IL5RA: variants seen among roughly 807,000 people sequenced by gnomAD.
The protein encoded by IL5RA is interleukin-5 receptor subunit alpha.
Under a neutral mutation model 50.0 loss-of-function variants are expected in IL5RA, and 49 were observed. That is an observed-to-expected ratio of 0.98 (90% CI 0.78 to 1.24). IL5RA has a LOEUF of 1.24. Among genes scored for constraint, IL5RA ranks in the 50% most tolerant of loss-of-function variants. IL5RA has a pLI of 0.00. For synonymous variants in IL5RA, 202 were observed against 174.0 expected (o/e 1.16, Z -1.26); for missense variants, 600 against 500.4 (o/e 1.20, Z -1.90).
rs1189400407 is a variant in IL5RA at position 3,068,264 on chromosome 3, G to A, written c.*1961C>T. On this transcript the variant is annotated 3_prime_UTR_variant, in exon 12 of 12. Transcript: ENST00000446632. ...CCAGGCGCCTCTGATTCTGACCTAA[G>A]GTGTTCATTACAAATACAGTTTCCT... 1.3e-5 allele frequency: 2 copies of A among 152,032 alleles called. No homozygotes were observed. The highest frequency in any genetic ancestry group is 6.6e-5 in the Admixed American group (1 of 15,254). The allele number at this position is 152,032 out of a possible 1,614,324, so 9.4% of individuals were successfully genotyped here.
intron 9 of IL5RA, chr3:3,090,281 G>C (rs757021166): frequency 6.7e-7 from 1 of 1,488,252 alleles, no homozygotes; most frequent in Non-Finnish European, 9.3e-7. Flanking sequence ...GAAATTATTT[G>C]TCTGGGGATA....
At chr3:3,090,424 G>A (rs1039047093) in intron 9 of IL5RA, among the ~76,000 whole-genome samples, 4 of 152,130 alleles carry the variant, frequency 2.6e-5, no homozygotes, top group Non-Finnish European at 4.4e-5. Flanking sequence ...TCCCCAGGCT[G>A]AATGGTTTAT....
At chr3:3,078,126 G>A (rs1021960845) in intron 9 of IL5RA, among the ~76,000 whole-genome samples, 3 of 152,100 alleles carry the variant, frequency 2.0e-5, no homozygotes, top group Non-Finnish European at 4.4e-5. Context: ...TAAATACTGT[G>A]GTGAGATTTC....
intron 5 of IL5RA, among the ~76,000 whole-genome samples, chr3:3,101,415 T>A (rs1457409964): frequency 6.6e-6 from 1 of 152,182 alleles, no homozygotes; most frequent in Non-Finnish European, 1.5e-5. Context: ...AAGTGTTTGA[T>A]CAGAAGTATT....
Position 3,097,854 on chromosome 3 carries a change from G to T in IL5RA, c.709+16C>A. ...CGAGATTCAGTTATTTCAGCTTTGG[G>T]TTAAGTCGGTCTTACCAATGGCGTG... On this transcript the variant is annotated intron_variant, in intron 7 of 11. Transcript: ENST00000446632. 1 of 1,603,740 alleles carries T rather than the reference G, an allele frequency of 6.2e-7. No individual in the cohort carries two copies.
chr3:3,101,702 A>G lies in IL5RA; in HGVS notation c.357T>C (p.His119=), dbSNP rs778476770. The G allele has an allele frequency of 1.2e-6, 2 of 1,613,978 alleles. No homozygotes were observed. Among genetic ancestry groups the G allele is most frequent in the Admixed American group, 1.7e-5 (1 of 59,964 alleles). Residue 119 remains histidine (H), a synonymous_variant, in exon 5 of 12, where the codon CAT becomes CAC. Coordinates refer to ENST00000446632, the MANE Select transcript of IL5RA (RefSeq NM_175726.4). ...GGAGGCCTGCTTTACCTGGTGGGGCATGAAGTTCAGCAGAAGCCCAGCTGC... is the reference window on the plus strand; with the variant it reads ...GGAGGCCTGCTTTACCTGGTGGGGCGTGAAGTTCAGCAGAAGCCCAGCTGC... The part of the protein sequence containing the change: ...LASSWASAEL[H]APPGSPGTSI...
rs1478130258 is a variant in IL5RA, at chr3:3,097,904, C to A, written c.675G>T (p.Arg225Ser). The change falls in exon 7 of 12, where the codon AGG becomes AGT. Residue 225 changes from arginine (R) to serine (S), a missense_variant. Transcript: ENST00000446632. Reference sequence around the variant, plus strand: ...GAAGGGCAAACAGCTGATCAAAGGGCCTGATAGCAGAGTGCTTGCTGGAGC... The same window carrying A: ...GAAGGGCAAACAGCTGATCAAAGGGACTGATAGCAGAGTGCTTGCTGGAGC... ...VNGSSKHSAI[R>S]PFDQLFALHA... is the part of the protein sequence containing the mutation. 1.2e-6 allele frequency: 2 copies of A among 1,614,006 alleles called. No individual in the cohort carries two copies. Among genetic ancestry groups the A allele is most frequent in the Non-Finnish European group, 1.7e-6 (2 of 1,180,008 alleles).
chr3:3,074,093 C>T (rs1702393702), intron 11 of IL5RA, among the ~76,000 whole-genome samples: 1 of 152,244 alleles, frequency 6.6e-6, no homozygotes, highest in Admixed American at 6.5e-5. Flanking sequence ...AGAGCCATAA[C>T]TAAGTGACCA....
intron 11 of IL5RA, chr3:3,073,756 C>G (rs2125950447): frequency 6.7e-6 from 3 of 450,434 alleles, no homozygotes; most frequent in South Asian, 4.8e-5. Context: ...AATCTCACCC[C>G]AAATCCCAGC....
In IL5RA at chr3:3,069,710, G is replaced by A. The variant is rs1200647490; in HGVS notation, c.*515C>T. ...TAGAAAAAGATCATTCTAGAATGTA[G>A]GGGGGTGAGGAATTTGTGGCTCTCA... On this transcript the variant is annotated 3_prime_UTR_variant, in exon 12 of 12. Transcript: ENST00000446632. 6.5e-6 allele frequency: 1 copy of A among 152,832 alleles called. No homozygotes were observed. Among genetic ancestry groups the A allele is most frequent in the Non-Finnish European group, 1.5e-5 (1 of 68,834 alleles). The allele number at this position is 152,832 out of a possible 1,614,324, so 9.5% of individuals were successfully genotyped here.
At position 3,110,049 on chromosome 3, in the gene IL5RA, A is replaced by G. The variant is rs1200181044; in HGVS notation, c.-250T>C. ...CTTAGAGGCGGTTCTTCACTCTTTCATCATCACGGCTGTAATGGTTAAAAA... is the reference window on the plus strand; with the variant it reads ...CTTAGAGGCGGTTCTTCACTCTTTCGTCATCACGGCTGTAATGGTTAAAAA... On this transcript the variant is annotated 5_prime_UTR_variant, in exon 1 of 12. The change abolishes an upstream ATG in the 5' untranslated region. Transcript: ENST00000446632. The G allele has an allele frequency of 6.6e-6, 1 of 152,154 alleles. No homozygotes were observed. Among genetic ancestry groups the G allele is most frequent in the Non-Finnish European group, 1.5e-5 (1 of 68,018 alleles). The allele number at this position is 152,154 out of a possible 1,614,324, so 9.4% of individuals were successfully genotyped here.
intron 11 of IL5RA, among the ~76,000 whole-genome samples, chr3:3,071,034 ACC>A (rs1702280211): frequency 6.6e-6 from 1 of 152,128 alleles, no homozygotes; most frequent in African/African-American, 2.4e-5. Context: ...GACAGTTCTG[ACC>A]CATTTTGGCT....
intron 5 of IL5RA, among the ~76,000 whole-genome samples, chr3:3,100,182 G>A (rs986832465): frequency 6.6e-6 from 1 of 151,902 alleles, no homozygotes; most frequent in Non-Finnish European, 1.5e-5. Context: ...TCAAGTGGGA[G>A]CCTTGAGAGA....
intron 9 of IL5RA, among the ~76,000 whole-genome samples, chr3:3,080,106 A>T (rs1398387342): frequency 6.6e-6 from 1 of 152,246 alleles, no homozygotes; most frequent in Non-Finnish European, 1.5e-5. Flanking sequence ...ATAAAGTATA[A>T]AAAAGAAAAA....
At chr3:3,091,593 G>A (rs777993721) in intron 9 of IL5RA, among the ~76,000 whole-genome samples, 5 of 152,240 alleles carry the variant, frequency 3.3e-5, no homozygotes, top group Non-Finnish European at 4.4e-5. Flanking sequence ...TTAGCCAGGC[G>A]TGGTGGCATG....
chr3:3,106,774 T>C (rs334782), intron 2 of IL5RA, among the ~76,000 whole-genome samples: 60,440 of 151,970 alleles, frequency 0.4, 12,349 homozygotes, highest in Admixed American at 0.47. Flanking sequence ...TTTCCTGAAA[T>C]AATATTAAAT....
intron 9 of IL5RA, among the ~76,000 whole-genome samples, chr3:3,078,588 C>T (rs1184665311): frequency 1.3e-5 from 2 of 152,220 alleles, no homozygotes; most frequent in African/African-American, 2.4e-5. Context: ...AATCCCAGCA[C>T]TTTGGGAGGC....
At chr3:3,090,609 C>T (rs1475568005) in intron 9 of IL5RA, among the ~76,000 whole-genome samples, 4 of 147,894 alleles carry the variant, frequency 2.7e-5, no homozygotes, top group Admixed American at 6.8e-5. Context: ...CTCTATTGCC[C>T]GGGCTGGAGT....
At chr3:3,094,505 C>T (rs1015684448) in intron 8 of IL5RA, among the ~76,000 whole-genome samples, 2 of 152,172 alleles carry the variant, frequency 1.3e-5, no homozygotes, top group African/African-American at 4.8e-5. Flanking sequence ...CTTATCCATT[C>T]ATTTAATGGG....
Sources: allele counts gnomAD v4.1 joint callset (sites outside exome capture counted in the v4.1 genomes callset), GRCh38; gene constraint gnomAD v4.1.1; transcripts MANE v1.5; gene names NCBI Gene and HGNC (gene_info 2026-07-23, HGNC 2026-07-21).